The following KLLN variants were observed in gnomAD, a reference collection of about 807,000 sequenced individuals.
The protein encoded by KLLN is killin, p53 regulated DNA replication inhibitor.
For missense variants in KLLN, 340 were observed against 241.3 expected (o/e 1.41, Z -2.71); for synonymous variants, 142 against 102.2 (o/e 1.39, Z -2.35).
rs1335671785 is a variant in KLLN, at chr10:87,862,060, G to T, written c.428C>A (p.Pro143His). 1 of 1,497,998 alleles carries T rather than the reference G, an allele frequency of 6.7e-7. No homozygotes were observed. The highest frequency in any genetic ancestry group is 1.3e-5 in the South Asian group (1 of 76,496). 92.8% of individuals were successfully genotyped at this position (1,497,998 alleles called of 1,614,324 possible). A position where few individuals can be genotyped will look rare whatever the true frequency, so the allele number is the denominator to read the frequency against. The change falls in exon 1 of 1, where the codon CCC becomes CAC. Residue 143 changes from proline to histidine, a missense_variant. Transcript: ENST00000445946. ...LHKHPHPNTC[P>H]RLPACWLPPI... ...CGGCAGCCAGCAGGCGGGGAGGCGG[G>T]GGCACGTGTTTGGATGTGGGTGCTT...
Position 87,861,080 on chromosome 10 carries a change from C to T in KLLN, c.*871G>A, listed in dbSNP as rs1468888951. 1 of 152,204 alleles carries T rather than the reference C, an allele frequency of 6.6e-6. No homozygotes were observed. Among genetic ancestry groups the T allele is most frequent in the African/African-American group, 2.4e-5 (1 of 41,454 alleles). The allele number at this position is 152,204 out of a possible 1,614,324, so 9.4% of individuals were successfully genotyped here. A position where few individuals can be genotyped will look rare whatever the true frequency, so the allele number is the denominator to read the frequency against. On this transcript the variant is annotated 3_prime_UTR_variant, in exon 1 of 1. Coordinates refer to ENST00000445946, the MANE Select transcript of KLLN (RefSeq NM_001126049.2). The stretch of plus-strand genomic sequence containing the variant: ...TGAAGCTTCAGCAGGTTGTTAACTC[C>T]TGCACAGCTATCTTAAATGCTGTAT...
chr10:87,862,788 A>T lies in KLLN; in HGVS notation c.-301T>A, dbSNP rs968740076. 2.2e-6 allele frequency: 1 copy of T among 464,530 alleles called. No individual in the cohort carries two copies. 28.8% of individuals were successfully genotyped at this position (464,530 alleles called of 1,614,324 possible). ...GGCAAACGAGCCGAGTTACCGGGGA[A>T]GCGAGAGGTGGGGCGCTGCAAGGGA... On this transcript the variant is annotated 5_prime_UTR_variant, in exon 1 of 1. Transcript: ENST00000445946.
In KLLN at chr10:87,862,547, G is replaced by C; in HGVS notation, c.-60C>G. ...GGGCTAGGTGGTCTCTGAGAACCGA[G>C]CTTGACTCCGACGCCGCGAACCGAC... On this transcript the variant is annotated 5_prime_UTR_variant, in exon 1 of 1. Coordinates refer to ENST00000445946, the MANE Select transcript of KLLN (RefSeq NM_001126049.2). 7.0e-7 allele frequency: 1 copy of C among 1,430,642 alleles called. No homozygotes were observed. Among genetic ancestry groups the C allele is most frequent in the Non-Finnish European group, 9.4e-7 (1 of 1,065,154 alleles). 88.6% of individuals were successfully genotyped at this position (1,430,642 alleles called of 1,614,324 possible).
rs1478683393 is a variant in KLLN at position 87,862,046 on chromosome 10, A to T, written c.442T>A (p.Cys148Ser). Reference protein sequence around the residue: ...HPNTCPRLPACWLPPILTERG... With the variant: ...HPNTCPRLPASWLPPILTERG... ...TCTGTAAGAATCGGCGGCAGCCAGC[A>T]GGCGGGGAGGCGGGGGCACGTGTTT... The change falls in exon 1 of 1, where the codon TGC (cysteine) becomes AGC (serine). Residue 148 changes from cysteine to serine, a missense_variant. By Grantham distance (112) the Cys-to-Ser change is moderately radical (BLOSUM62 -1). Transcript: ENST00000445946. The T allele has an allele frequency of 6.7e-7, 1 of 1,490,302 alleles. No homozygotes were observed. The highest frequency in any genetic ancestry group is 8.9e-7 in the Non-Finnish European group (1 of 1,117,882). The allele number at this position is 1,490,302 out of a possible 1,614,324, so 92.3% of individuals were successfully genotyped here.
rs554884852 is a variant in KLLN, at chr10:87,862,016, C to G, written c.472G>C (p.Gly158Arg). ...CWLPPILTER[G>R]ERVPKLVPLL... is the part of the protein sequence containing the mutation. Reference sequence around the variant, plus strand: ...GGCACCAGTTTGGGGACTCTCTCCCCGCGTTCTGTAAGAATCGGCGGCAGC... The same window carrying G: ...GGCACCAGTTTGGGGACTCTCTCCCGGCGTTCTGTAAGAATCGGCGGCAGC... The change falls in exon 1 of 1, where the codon GGG becomes CGG. Residue 158 changes from glycine to arginine, a missense_variant. Transcript: ENST00000445946. 2.7e-6 allele frequency: 4 copies of G among 1,481,944 alleles called. No individual in the cohort carries two copies. The East Asian group carries it at 9.9e-5, about 37-fold the overall frequency. 91.8% of individuals were successfully genotyped at this position (1,481,944 alleles called of 1,614,324 possible).
Position 87,863,396 on chromosome 10 carries a change from C to A in KLLN, c.-909G>T, listed in dbSNP as rs1858325686. The A allele has an allele frequency of 2.8e-6, 1 of 358,338 alleles. No homozygotes were observed. Among genetic ancestry groups the A allele is most frequent in the East Asian group, 4.1e-5 (1 of 24,478 alleles). 22.2% of individuals were successfully genotyped at this position (358,338 alleles called of 1,614,324 possible). A position where few individuals can be genotyped will look rare whatever the true frequency, so the allele number is the denominator to read the frequency against. On this transcript the variant is annotated 5_prime_UTR_variant, in exon 1 of 1. Coordinates refer to ENST00000445946, the MANE Select transcript of KLLN (RefSeq NM_001126049.2). Reference sequence around the variant, plus strand: ...GGGGACTCTGCGCTCGCACCCAGAGCTACCGCTCTGCCCCCTCCTACCGCC... The same window carrying A: ...GGGGACTCTGCGCTCGCACCCAGAGATACCGCTCTGCCCCCTCCTACCGCC...
chr10:87,861,368 A>G lies in KLLN; in HGVS notation c.*583T>C, dbSNP rs560318248. 4 of 152,520 alleles carry G rather than the reference A, an allele frequency of 2.6e-5. No homozygotes were observed. Among genetic ancestry groups the G allele is most frequent in the African/African-American group, 9.6e-5 (4 of 41,590 alleles). The allele number at this position is 152,520 out of a possible 1,614,324, so 9.4% of individuals were successfully genotyped here. The stretch of plus-strand genomic sequence containing the variant: ...ATGCAGATTGATTCTCATTCTCTCA[A>G]AGTTTGAAAAACAACTCAGTGCTTC... On this transcript the variant is annotated 3_prime_UTR_variant, in exon 1 of 1. Transcript: ENST00000445946.
In KLLN at chr10:87,859,554, AT is replaced by A. The variant is rs1858223268; in HGVS notation, c.*2396del. On this transcript the variant is annotated 3_prime_UTR_variant, in exon 1 of 1. Coordinates refer to ENST00000445946, the MANE Select transcript of KLLN (RefSeq NM_001126049.2). ...AATAAGAAAGAAATTTTCTTTCGAC[AT>A]TATTTTGGTGTAGTAACAATAGAGT... is the stretch of plus-strand genomic sequence containing the variant. 1 of 152,168 alleles carries A rather than the reference AT, an allele frequency of 6.6e-6. No individual in the cohort carries two copies. The highest frequency in any genetic ancestry group is 2.4e-5 in the African/African-American group (1 of 41,416). 9.4% of individuals were successfully genotyped at this position (152,168 alleles called of 1,614,324 possible).
At position 87,862,125 on chromosome 10, in the gene KLLN, C is replaced by T. The variant is rs962332075; in HGVS notation, c.363G>A (p.Lys121=). 53 of 1,547,974 alleles carry T rather than the reference C, an allele frequency of 3.4e-5. No homozygotes were observed. The African/African-American group carries it at 4.3e-4, about 12-fold the overall frequency. ...CCAAGCGCCAGCCCCGACAGCGCTC[C>T]TTCGGGAGGCTGGTCCGAGCCCCTG... ...AETGARTSLP[K]ERCRGWRLGN... Residue 121 remains lysine, a synonymous_variant, in exon 1 of 1, where the codon AAG becomes AAA. Coordinates refer to ENST00000445946, the MANE Select transcript of KLLN (RefSeq NM_001126049.2).
At position 87,862,398 on chromosome 10, in the gene KLLN, C is replaced by T. The variant is rs1301551958; in HGVS notation, c.90G>A (p.Arg30=). The T allele has an allele frequency of 2.6e-6, 4 of 1,551,682 alleles. No individual in the cohort carries two copies. The highest frequency in any genetic ancestry group is 4.9e-5 in the East Asian group (2 of 40,920). ...CCGCCCACTCGCTGGGCTGCAGCTT[C>T]CTACCGTTCCGTACTTTCCACTCAA... ...YRVEWKVRNG[R]KLQPSEWAGR... The change falls in exon 1 of 1, where the codon AGG becomes AGA. Residue 30 remains arginine (R), a synonymous_variant. Transcript: ENST00000445946.
At position 87,861,913 on chromosome 10, in the gene KLLN, G is replaced by C; in HGVS notation, c.*38C>G. On this transcript the variant is annotated 3_prime_UTR_variant, in exon 1 of 1. Transcript: ENST00000445946. ...CTTTTCCCACGTTTGGGAAGGCGCAGAATAGGTCGATGTAGAGCAAGGAGT... is the reference window on the plus strand; with the variant it reads ...CTTTTCCCACGTTTGGGAAGGCGCACAATAGGTCGATGTAGAGCAAGGAGT... The C allele has an allele frequency of 6.9e-7, 1 of 1,448,748 alleles. No homozygotes were observed. 89.7% of individuals were successfully genotyped at this position (1,448,748 alleles called of 1,614,324 possible).
At position 87,863,201 on chromosome 10, in the gene KLLN, T is replaced by A; in HGVS notation, c.-714A>T. ...CCTCCACCCCCGCCCCACAACAGCC[T>A]ACCCTGCCTCCGGCTGGGTTTCTGG... On this transcript the variant is annotated 5_prime_UTR_variant, in exon 1 of 1. It removes the in-frame stop codon of an upstream open reading frame in the 5' UTR. Coordinates refer to ENST00000445946, the MANE Select transcript of KLLN (RefSeq NM_001126049.2). 5.2e-6 allele frequency: 1 copy of A among 191,044 alleles called. No homozygotes were observed. The allele number at this position is 191,044 out of a possible 1,614,324, so 11.8% of individuals were successfully genotyped here.
chr10:87,862,049 CG>C, the KLLN span: 79 of 1,491,616 alleles, frequency 5.3e-5, no homozygotes, highest in East Asian at 1.7e-3. Flanking sequence ...AGCCAGCAGG[CG>C]GGGAGGCGGG....
Position 87,862,480 on chromosome 10 carries a change from C to T in KLLN, c.8G>A (p.Arg3His). The T allele has an allele frequency of 6.5e-7, 1 of 1,547,478 alleles. No individual in the cohort carries two copies. The highest frequency in any genetic ancestry group is 1.4e-5 in the African/African-American group (1 of 72,964). Residue 3 changes from arginine to histidine, a missense_variant, in exon 1 of 1, where the codon CGC (arginine) becomes CAC (histidine). Coordinates refer to ENST00000445946, the MANE Select transcript of KLLN (RefSeq NM_001126049.2). ...GGGGCGCGCGGAGCCTGGCCCCGGG[C>T]GATCCATCCTGCCGGGTTTTCACGG... MD[R>H]PGPGSARPGR...
In KLLN at chr10:87,862,521, G is replaced by A. The variant is rs1470504867; in HGVS notation, c.-34C>T. On this transcript the variant is annotated 5_prime_UTR_variant, in exon 1 of 1. Coordinates refer to ENST00000445946, the MANE Select transcript of KLLN (RefSeq NM_001126049.2). ...GTTTTCACGGCGGCCAAGGGGGGGCGGGGCTAGGTGGTCTCTGAGAACCGA... is the reference window on the plus strand; with the variant it reads ...GTTTTCACGGCGGCCAAGGGGGGGCAGGGCTAGGTGGTCTCTGAGAACCGA... The A allele has an allele frequency of 6.6e-7, 1 of 1,509,122 alleles. No homozygotes were observed. Among genetic ancestry groups the A allele is most frequent in the African/African-American group, 1.4e-5 (1 of 71,356 alleles). The allele number at this position is 1,509,122 out of a possible 1,614,324, so 93.5% of individuals were successfully genotyped here. A position where few individuals can be genotyped will look rare whatever the true frequency, so the allele number is the denominator to read the frequency against.
At position 87,862,256 on chromosome 10, in the gene KLLN, G is replaced by A. The variant is rs566209860; in HGVS notation, c.232C>T (p.Leu78Phe). 6.4e-6 allele frequency: 10 copies of A among 1,551,722 alleles called. No individual in the cohort carries two copies. In the African/African-American group the frequency reaches 9.6e-5, roughly 15 times the overall value. ...TTGCCTCCGGAGCTATCACTGGGGAGTGGGAATTTGGAAAGTTCCCCAACT... is the reference window on the plus strand; with the variant it reads ...TTGCCTCCGGAGCTATCACTGGGGAATGGGAATTTGGAAAGTTCCCCAACT... ...SLVGELSKFP[L>F]PSDSSGGKSS... Residue 78 changes from leucine to phenylalanine, a missense_variant, in exon 1 of 1, where the codon CTC (leucine) becomes TTC (phenylalanine). Physicochemically the swap from Leu to Phe is conservative, Grantham distance 22 (BLOSUM62 0). Coordinates refer to ENST00000445946, the MANE Select transcript of KLLN (RefSeq NM_001126049.2).
Position 87,861,725 on chromosome 10 carries a change from C to A in KLLN, c.*226G>T. 1 of 464,870 alleles carries A rather than the reference C, an allele frequency of 2.2e-6. No homozygotes were observed. Among genetic ancestry groups the A allele is most frequent in the Non-Finnish European group, 3.8e-6 (1 of 264,976 alleles). The allele number at this position is 464,870 out of a possible 1,614,324, so 28.8% of individuals were successfully genotyped here. On this transcript the variant is annotated 3_prime_UTR_variant, in exon 1 of 1. Transcript: ENST00000445946. ...GGCTGAGTCCACAGTAGGTGGGGCG[C>A]GCTCACCAGCTCAGGGGTAGTGACT...
Position 87,861,106 on chromosome 10 carries a change from A to G in KLLN, c.*845T>C, listed in dbSNP as rs1047211102. The G allele has an allele frequency of 6.6e-6, 1 of 152,226 alleles. No homozygotes were observed. The highest frequency in any genetic ancestry group is 1.5e-5 in the Non-Finnish European group (1 of 68,036). 9.4% of individuals were successfully genotyped at this position (152,226 alleles called of 1,614,324 possible). On this transcript the variant is annotated 3_prime_UTR_variant, in exon 1 of 1. Coordinates refer to ENST00000445946, the MANE Select transcript of KLLN (RefSeq NM_001126049.2). ...TGCACAGCTATCTTAAATGCTGTAT[A>G]TAAGTGCAAAGTTTTATGGAGCCTC...
Position 87,862,905 on chromosome 10 carries a change from G to A in KLLN, c.-418C>T, listed in dbSNP as rs1037081653. On this transcript the variant is annotated 5_prime_UTR_variant, in exon 1 of 1. Transcript: ENST00000445946. ...TGAGGACACAGATTTGGGGGAAGGG[G>A]GAATCTCTAGGCAAAGGCTGTTACA... 2 of 217,348 alleles carry A rather than the reference G, an allele frequency of 9.2e-6. No individual in the cohort carries two copies. Among genetic ancestry groups the A allele is most frequent in the African/African-American group, 4.6e-5 (2 of 43,376 alleles). 13.5% of individuals were successfully genotyped at this position (217,348 alleles called of 1,614,324 possible).
Sources: allele counts gnomAD v4.1 joint callset, GRCh38; gene constraint gnomAD v4.1.1; transcripts MANE v1.5; gene names NCBI Gene and HGNC (gene_info 2026-07-23, HGNC 2026-07-21).